Variants in MYBL2 observed in about 807,000 individuals in gnomAD.
MYBL2 encodes MYB proto-oncogene like 2, also known as myb-related protein B.
MYBL2 carries 28 observed loss-of-function variants against 79.9 expected under a neutral mutation model. That is an observed-to-expected ratio of 0.35 (90% CI 0.26 to 0.48). The LOEUF is 0.48. MYBL2 is among the 20% of genes least tolerant of loss of function. The pLI is 0.99. For missense variants in MYBL2, 735 were observed against 893.9 expected (o/e 0.82, Z 2.27); for synonymous variants, 378 against 361.2 (o/e 1.05, Z -0.53).
At chr20:43,693,893 G>T (rs921994661) in intron 6 of MYBL2, among the ~76,000 whole-genome samples, 1 of 151,998 alleles carries the variant, frequency 6.6e-6, no homozygotes, top group Non-Finnish European at 1.5e-5. Context: ...TCTATAAAAA[G>T]GAAAATTAGC....
chr20:43,713,803 C>T (rs1987966361), intron 12 of MYBL2, among the ~76,000 whole-genome samples: 1 of 152,172 alleles, frequency 6.6e-6, no homozygotes, highest in Non-Finnish European at 1.5e-5. Flanking sequence ...AGGTCGACCT[C>T]AGAAAGGGGG....
intron 6 of MYBL2, among the ~76,000 whole-genome samples, chr20:43,699,520 A>G (rs1404571589): frequency 6.6e-6 from 1 of 152,192 alleles, no homozygotes; most frequent in Non-Finnish European, 1.5e-5. Flanking sequence ...CCTGTCCATG[A>G]TGCAGTCTAA....
intron 1 of MYBL2, among the ~76,000 whole-genome samples, chr20:43,670,659 A>G (rs1986833022): frequency 6.6e-6 from 1 of 152,152 alleles, no homozygotes; most frequent in Admixed American, 6.6e-5. Flanking sequence ...TAAGGGCCCG[A>G]GACAGGAGGG....
intron 9 of MYBL2, 21 bp downstream of exon 9, chr20:43,705,379 A>C (rs2145730820): frequency 1.3e-6 from 2 of 1,582,630 alleles, no homozygotes; most frequent in Non-Finnish European, 1.7e-6. Flanking sequence ...CAGTGCCCCC[A>C]ACCTTCGCCG....
intron 6 of MYBL2, among the ~76,000 whole-genome samples, chr20:43,696,799 T>A (rs1987553175): frequency 6.6e-6 from 1 of 152,296 alleles, no homozygotes; most frequent in Admixed American, 6.5e-5. Context: ...TGACCTTGGC[T>A]CACTGCAACC....
At chr20:43,678,867 AAAAAAAAG>A (rs1457106719) in intron 2 of MYBL2, among the ~76,000 whole-genome samples, 3 of 136,700 alleles carry the variant, frequency 2.2e-5, no homozygotes, top group Non-Finnish European at 3.1e-5. Context: ...CAAAAAAAAA[AAAAAAAAG>A]AAAAAAACAT....
Position 43,702,674 on chromosome 20 carries a change from C to A in MYBL2, c.1136C>A (p.Ser379Ter). ...TEYRLDGHTI[S>*]DLSRSSRGEL... ...TACCGCCTGGATGGCCACACCATCT[C>A]AGACCTGAGCCGGAGCAGCCGGGGC... Residue 379 changes from serine to a stop codon, truncating the protein, a stop_gained, in exon 8 of 14, where the codon TCA (serine) becomes TAA (stop). Transcript: ENST00000217026. LOFTEE classifies it high-confidence loss of function. 1 of 1,614,036 alleles carries A rather than the reference C, an allele frequency of 6.2e-7. No individual in the cohort carries two copies. Among genetic ancestry groups the A allele is most frequent in the Non-Finnish European group, 8.5e-7 (1 of 1,179,944 alleles).
intron 9 of MYBL2, among the ~76,000 whole-genome samples, chr20:43,707,021 A>G (rs1420114857): frequency 8.0e-5 from 12 of 150,510 alleles, no homozygotes; most frequent in Non-Finnish European, 1.6e-4. Flanking sequence ...GCCAAAAAAA[A>G]TTTTTTTAAT....
chr20:43,682,111 T>G (rs1017824666), intron 3 of MYBL2, among the ~76,000 whole-genome samples: 1 of 152,246 alleles, frequency 6.6e-6, no homozygotes, highest in African/African-American at 2.4e-5. Context: ...TTGCAGCATG[T>G]GGTGCATATT....
chr20:43,701,967 A>G (rs1020632715), intron 7 of MYBL2, among the ~76,000 whole-genome samples: 1 of 152,192 alleles, frequency 6.6e-6, no homozygotes, highest in East Asian at 1.9e-4. Flanking sequence ...GGAGTTCGAG[A>G]CCAGCCTGGC....
chr20:43,698,247 T>A (rs1250591540), intron 6 of MYBL2, among the ~76,000 whole-genome samples: 1 of 151,818 alleles, frequency 6.6e-6, no homozygotes, highest in East Asian at 1.9e-4. Context: ...TTTATAGAGA[T>A]GGGGTTTGCC....
rs774401489 is a variant in MYBL2, at chr20:43,702,575, A to G, written c.1037A>G (p.Gln346Arg). 9.3e-6 allele frequency: 15 copies of G among 1,614,128 alleles called. No individual in the cohort carries two copies. Among genetic ancestry groups the G allele is most frequent in the Middle Eastern group, 1.6e-4 (1 of 6,084 alleles). ...AEDSINNSLV[Q>R]LQASHQQQVL... Reference sequence around the variant, plus strand: ...GACAGTATCAACAACAGCCTAGTGCAGCTGCAAGCGTCACATCAGCAGCAA... The same window carrying G: ...GACAGTATCAACAACAGCCTAGTGCGGCTGCAAGCGTCACATCAGCAGCAA... The change falls in exon 8 of 14, where the codon CAG becomes CGG. Residue 346 changes from glutamine (Q) to arginine (R), a missense_variant. Around this residue, in one of 5 missense-constraint regions of MYBL2, gnomAD observed 243 missense variants for 327.2 expected, o/e 0.74. Transcript: ENST00000217026.
In MYBL2 at chr20:43,692,314, G is replaced by A. The variant is rs1442344144; in HGVS notation, c.658G>A (p.Gly220Ser). 6.2e-7 allele frequency: 1 copy of A among 1,614,020 alleles called. No homozygotes were observed. Among genetic ancestry groups the A allele is most frequent in the African/African-American group, 1.3e-5 (1 of 75,048 alleles). ...CCTCCAGAGTGCCCAGCCCACGGAA[G>A]GCCAGGTGAGACAGCTGCTCAGCCT... Reference protein sequence around the residue: ...DGLQSAQPTEGQGSLLTNWPS... With the variant: ...DGLQSAQPTESQGSLLTNWPS... The change falls in exon 6 of 14, where the codon GGC becomes AGC. Residue 220 changes from glycine to serine, a missense_variant. Coordinates refer to ENST00000217026, the MANE Select transcript of MYBL2 (RefSeq NM_002466.4).
At chr20:43,702,952 G>A in intron 8 of MYBL2, 49 bp downstream of exon 8, 2 of 1,537,888 alleles carry the variant, frequency 1.3e-6, no homozygotes, top group Non-Finnish European at 1.8e-6. Context: ...CAGACACCTA[G>A]TGTTCAGTGC....
chr20:43,712,993 A>C lies in MYBL2; in HGVS notation c.1720-9A>C, dbSNP rs2145736585. 1 of 1,604,224 alleles carries C rather than the reference A, an allele frequency of 6.2e-7. No individual in the cohort carries two copies. Among genetic ancestry groups the C allele is most frequent in the East Asian group, 2.2e-5 (1 of 44,828 alleles). On this transcript the variant is annotated splice_polypyrimidine_tract_variant and intron_variant, in intron 11 of 13. Coordinates refer to ENST00000217026, the MANE Select transcript of MYBL2 (RefSeq NM_002466.4). ...TCACCCTAACCCCCTTCTATCTGCC[A>C]ACCCCTAGCTGCGGCGGAGCCCCAT...
intron 2 of MYBL2, among the ~76,000 whole-genome samples, chr20:43,675,931 GTC>G (rs1225052596): frequency 6.7e-6 from 1 of 148,394 alleles, no homozygotes; most frequent in Non-Finnish European, 1.5e-5. Flanking sequence ...TTTTAAGGCA[GTC>G]TCTCTCTGTT....
chr20:43,684,153 C>G (rs1467656655), intron 4 of MYBL2, among the ~76,000 whole-genome samples: 2 of 151,940 alleles, frequency 1.3e-5, no homozygotes, highest in Admixed American at 6.6e-5. Context: ...GGTTGAACTT[C>G]TGGGCTCAAA....
intron 11 of MYBL2, among the ~76,000 whole-genome samples, chr20:43,711,983 C>T (rs958003377): frequency 5.9e-5 from 9 of 151,972 alleles, no homozygotes; most frequent in East Asian, 1.9e-4. Context: ...TACCAAGGGC[C>T]GCAGAAAGGG....
At chr20:43,708,646 A>G (rs1405760232) in intron 9 of MYBL2, among the ~76,000 whole-genome samples, 1 of 152,072 alleles carries the variant, frequency 6.6e-6, no homozygotes, top group Non-Finnish European at 1.5e-5. Flanking sequence ...ACTGTTCTTT[A>G]ACTCCTGGCC....
Sources: allele counts gnomAD v4.1 joint callset (sites outside exome capture counted in the v4.1 genomes callset), GRCh38; gene constraint gnomAD v4.1.1; regional missense constraint gnomAD v4.1.1; transcripts MANE v1.5; gene names NCBI Gene and HGNC (gene_info 2026-07-23, HGNC 2026-07-21).